Variants in MSRA observed in about 807,000 individuals in gnomAD.
The protein encoded by MSRA is mitochondrial peptide methionine sulfoxide reductase.
MSRA carries 54 observed loss-of-function variants against 31.3 expected under a neutral mutation model. The observed-to-expected ratio is 1.73, with a 90% CI of 1.39 to 2.17. The LOEUF (loss-of-function observed/expected upper bound fraction) is 2.17. Ranked by LOEUF, MSRA falls within the 30% of genes most tolerant of loss-of-function variation. MSRA has a pLI of 0.00. For synonymous variants in MSRA, 169 were observed against 116.5 expected (o/e 1.45, Z -2.90); for missense variants, 507 against 300.9 (o/e 1.69, Z -5.07).
chr8:10,123,419 C>A (rs761340010), intron 1 of MSRA, among the ~76,000 whole-genome samples: 2 of 152,144 alleles, frequency 1.3e-5, no homozygotes, highest in Non-Finnish European at 2.9e-5. Flanking sequence ...AGATACTAGA[C>A]CTTTGTCAAA....
In MSRA at chr8:10,400,553, C is replaced by G. The variant is rs1042910736; in HGVS notation, c.544-27595C>G. Among the ~76,000 whole-genome samples, 3 of 152,120 alleles carry G rather than the reference C, an allele frequency of 2.0e-5. No individual in the cohort carries two copies. The East Asian group carries it at 5.8e-4, about 29-fold the overall frequency. ...GTCCATGCTGACTTGGGATGGTGCA[C>G]CTGCTTTCTGGGGCTGCTGCCTTGA... On this transcript the variant is annotated intron_variant, in intron 5 of 5. Coordinates refer to ENST00000317173, the MANE Select transcript of MSRA (RefSeq NM_012331.5).
At chr8:10,224,179 G>A (rs1400673473) in intron 2 of MSRA, among the ~76,000 whole-genome samples, 1 of 152,276 alleles carries the variant, frequency 6.6e-6, no homozygotes, top group East Asian at 1.9e-4. Flanking sequence ...CACCAAACCA[G>A]TTCTTTTTGT....
At chr8:10,246,746 C>T (rs1385727655) in intron 3 of MSRA, among the ~76,000 whole-genome samples, 1 of 152,122 alleles carries the variant, frequency 6.6e-6, no homozygotes, top group East Asian at 1.9e-4. Context: ...TTTTTTCTTG[C>T]TCTAGAGAAG....
At chr8:10,263,252 A>G (rs1798572850) in intron 3 of MSRA, among the ~76,000 whole-genome samples, 1 of 152,078 alleles carries the variant, frequency 6.6e-6, no homozygotes. Context: ...TTTCTTCCCT[A>G]CTGGCCTCAC....
At chr8:10,100,345 C>G (rs1196534058) in intron 1 of MSRA, among the ~76,000 whole-genome samples, 1 of 152,124 alleles carries the variant, frequency 6.6e-6, no homozygotes, top group Non-Finnish European at 1.5e-5. Flanking sequence ...GGAATTTAGC[C>G]TCAGCTTTGC....
chr8:10,305,202 G>T (rs938443385), intron 4 of MSRA, among the ~76,000 whole-genome samples: 3 of 152,150 alleles, frequency 2.0e-5, no homozygotes, highest in African/African-American at 7.2e-5. Flanking sequence ...TTGCAAATGT[G>T]GAGATTCTTG....
chr8:10,111,207 G>T (rs1222448932), intron 1 of MSRA, among the ~76,000 whole-genome samples: 1 of 152,188 alleles, frequency 6.6e-6, no homozygotes, highest in Non-Finnish European at 1.5e-5. Context: ...ATGGCTGGGT[G>T]ATGGCAGTAC....
rs1404625312 is a variant in MSRA at position 10,328,051 on chromosome 8, TTAG to T, written c.543+8065_543+8067del. Among the ~76,000 whole-genome samples the T allele has an allele frequency of 4.1e-3, 571 of 140,914 alleles. 84 individuals are homozygous for T. Among genetic ancestry groups the T allele is most frequent in the Middle Eastern group, 0.028 (7 of 252 alleles). 92.4% of individuals were successfully genotyped at this position (140,914 alleles called of 152,430 possible). ...AATTTTTTTTTTTTTTTTTTTTTTT[TTAG>T]TATCAGTGACACTCTGAGTGTAAAT... is the stretch of plus-strand genomic sequence containing the variant. On this transcript the variant is annotated intron_variant, in intron 5 of 5. Transcript: ENST00000317173.
chr8:10,148,791 G>A (rs576003609), intron 1 of MSRA, among the ~76,000 whole-genome samples: 58 of 131,324 alleles, frequency 4.4e-4, no homozygotes, highest in Non-Finnish European at 7.4e-4. Flanking sequence ...GAAAGAGTGA[G>A]ACCCTGTCGC....
At chr8:10,421,302 A>G (rs895876868) in intron 5 of MSRA, among the ~76,000 whole-genome samples, 2 of 152,154 alleles carry the variant, frequency 1.3e-5, no homozygotes, top group Non-Finnish European at 2.9e-5. Flanking sequence ...AAACAGGAAT[A>G]AGAAGCCTAC....
intron 2 of MSRA, among the ~76,000 whole-genome samples, chr8:10,216,412 G>A (rs546551177): frequency 1.3e-5 from 2 of 149,374 alleles, no homozygotes; most frequent in Non-Finnish European, 3.0e-5. Flanking sequence ...AAAAATTGTG[G>A]TAACAGATAC....
intron 3 of MSRA, among the ~76,000 whole-genome samples, chr8:10,248,206 C>T (rs1295462896): frequency 6.6e-6 from 1 of 152,198 alleles, no homozygotes; most frequent in African/African-American, 2.4e-5. Flanking sequence ...GTTTGTAAAA[C>T]TTTGATCACA....
rs538309692 is a variant in MSRA at position 10,372,284 on chromosome 8, C to A, written c.543+52295C>A. Among the ~76,000 whole-genome samples the A allele has an allele frequency of 1.2e-4, 18 of 152,290 alleles. No individual in the cohort carries two copies. In the South Asian group the frequency reaches 3.7e-3, roughly 32 times the overall value. On this transcript the variant is annotated intron_variant, in intron 5 of 5. Coordinates refer to ENST00000317173, the MANE Select transcript of MSRA (RefSeq NM_012331.5). Reference sequence around the variant, plus strand: ...TTGGGAATTAAGAAATAAACTATAACAATCACAGGCCTCATTGAGCGGAAA... The same window carrying A: ...TTGGGAATTAAGAAATAAACTATAAAAATCACAGGCCTCATTGAGCGGAAA...
intron 2 of MSRA, 82 bp from the exon 3 acceptor site, chr8:10,245,022 T>G: frequency 7.7e-7 from 1 of 1,302,026 alleles, no homozygotes; most frequent in African/African-American, 1.5e-5. Context: ...TTTTTCTTCA[T>G]GTAACAGGTG....
At chr8:10,200,648 C>A (rs939630732) in intron 1 of MSRA, among the ~76,000 whole-genome samples, 1 of 152,120 alleles carries the variant, frequency 6.6e-6, no homozygotes, top group African/African-American at 2.4e-5. Flanking sequence ...AGTGACTCAC[C>A]CAGCACCATG....
intron 1 of MSRA, among the ~76,000 whole-genome samples, chr8:10,097,404 G>A (rs1012046761): frequency 1.8e-4 from 27 of 152,124 alleles, no homozygotes; most frequent in East Asian, 1.9e-4. Context: ...ATAGGCACTC[G>A]GAAGGAAATG....
At chr8:10,347,169 T>C (rs1803834176) in intron 5 of MSRA, among the ~76,000 whole-genome samples, 1 of 152,238 alleles carries the variant, frequency 6.6e-6, no homozygotes, top group Admixed American at 6.5e-5. Flanking sequence ...GGGTTCTGTC[T>C]TGTTCATCAC....
intron 5 of MSRA, among the ~76,000 whole-genome samples, chr8:10,356,298 A>G (rs1031080083): frequency 6.6e-6 from 1 of 152,340 alleles, no homozygotes; most frequent in African/African-American, 2.4e-5. Context: ...TGTTGTAAAA[A>G]AAGACAGATA....
chr8:10,153,801 G>A (rs1803921027), intron 1 of MSRA, among the ~76,000 whole-genome samples: 1 of 152,144 alleles, frequency 6.6e-6, no homozygotes, highest in African/African-American at 2.4e-5. Context: ...AAATTCTAGA[G>A]CTAGAACATG....
Sources: gnomAD v4.1 joint callset for allele counts (sites outside exome capture counted in the v4.1 genomes callset) on GRCh38, gnomAD v4.1.1 for gene constraint, MANE v1.5 for transcripts, NCBI Gene and HGNC (gene_info 2026-07-23, HGNC 2026-07-21) for gene names.